Variants in C4orf51 observed in about 807,000 individuals in gnomAD.
C4orf51 encodes uncharacterized protein C4orf51.
C4orf51 carries 25 observed loss-of-function variants against 25.2 expected under a neutral mutation model. The observed-to-expected ratio is 0.99, with a 90% confidence interval of 0.72 to 1.39. The LOEUF (loss-of-function observed/expected upper bound fraction) is 1.39. Among genes scored for constraint, C4orf51 ranks in the 40% most tolerant of loss-of-function variants. C4orf51 has a pLI of 0.00. For synonymous variants in C4orf51, 100 were observed against 84.5 expected (o/e 1.18, Z -1.01); for missense variants, 252 against 239.6 (o/e 1.05, Z -0.34).
chr4:145,760,025 T>G (rs1020280443), intron 1 of C4orf51: 1 of 152,252 alleles, frequency 6.6e-6, no homozygotes, highest in East Asian at 1.9e-4. Flanking sequence ...TGCTGCGAGA[T>G]ATTTCTTCCA....
intron 2 of C4orf51, among the ~76,000 whole-genome samples, chr4:145,724,880 CAAAAAAAA>C (rs1222983724): frequency 1.5e-5 from 1 of 68,322 alleles, no homozygotes; most frequent in Non-Finnish European, 2.8e-5. Context: ...AAGACTGTCT[CAAAAAAAA>C]AAAAAAAAAA....
chr4:145,703,991 C>G (rs1730633441), intron 2 of C4orf51, among the ~76,000 whole-genome samples: 1 of 152,170 alleles, frequency 6.6e-6, no homozygotes, highest in African/African-American at 2.4e-5. Context: ...AATAAAAGCC[C>G]AACTTCCCAA....
At chr4:145,773,964 T>G (rs776293145), downstream of C4orf51, among the ~76,000 whole-genome samples, 3 of 152,132 alleles carry the variant, frequency 2.0e-5, no homozygotes, top group Non-Finnish European at 4.4e-5. Flanking sequence ...GAGCAAGCTC[T>G]GGAATGAAAA....
chr4:145,791,373 C>G, the C4orf51 span, among the ~76,000 whole-genome samples: 5 of 152,272 alleles, frequency 3.3e-5, no homozygotes, highest in South Asian at 1.0e-3. Context: ...CCATCTTCTA[C>G]ATAGCATCAC....
chr4:145,787,464 G>GA, the C4orf51 span, among the ~76,000 whole-genome samples: 5,526 of 83,030 alleles, frequency 0.067, 156 homozygotes, highest in Non-Finnish European at 0.098. Context: ...TCCGTCTCAG[G>GA]AAAAAAAAAA....
Position 145,714,580 on chromosome 4 carries a change from T to C in C4orf51, c.308-12331T>C, listed in dbSNP as rs192938149. 4.2e-3 allele frequency among the ~76,000 whole-genome samples: 644 copies of C among 152,366 alleles called. 3 individuals carry two copies. The highest frequency in any genetic ancestry group is 7.9e-3 in the Non-Finnish European group (538 of 68,032). ...TTTTCTGATTTCATTAAGTTGTCTGTGTTCTCTTCGTGGCTCACTGTGCTT... is the reference window on the plus strand; with the variant it reads ...TTTTCTGATTTCATTAAGTTGTCTGCGTTCTCTTCGTGGCTCACTGTGCTT... On this transcript the variant is annotated intron_variant, in intron 2 of 5. Transcript: ENST00000438731.
chr4:145,779,108 T>A, the C4orf51 span, among the ~76,000 whole-genome samples: 2 of 152,226 alleles, frequency 1.3e-5, no homozygotes, highest in African/African-American at 4.8e-5. Context: ...ACATTTTTTT[T>A]AACAGAGTTT....
rs1040375616 is a variant in C4orf51 at position 145,747,379 on chromosome 4, AGTTTTTTGAG to A, written n.168-6820_168-6811del. ...GTTGAGGAGTATTCCTTCTGTGCCC[AGTTTTTTGAG>A]GTTTTTTTTTTTTATCATGAAGTGG... On this transcript the variant is annotated intron_variant and non_coding_transcript_variant, in intron 1 of 1. Coordinates refer to the C4orf51 transcript ENST00000508981. Among the ~76,000 whole-genome samples, 9 of 133,374 alleles carry A rather than the reference AGTTTTTTGAG, an allele frequency of 6.7e-5. 1 individual carries two copies. The highest frequency in any genetic ancestry group is 3.4e-5 in the Non-Finnish European group (2 of 58,192). 87.5% of individuals were successfully genotyped at this position (133,374 alleles called of 152,430 possible). A position where few individuals can be genotyped will look rare whatever the true frequency, so the allele number is the denominator to read the frequency against.
chr4:145,744,509 A>G (rs1268117127), intron 1 of C4orf51, among the ~76,000 whole-genome samples: 1 of 152,086 alleles, frequency 6.6e-6, no homozygotes, highest in Non-Finnish European at 1.5e-5. Context: ...TACTATGTCT[A>G]TTGTCTGATG....
chr4:145,754,655 C>A (rs1027145574), downstream of C4orf51, among the ~76,000 whole-genome samples: 2 of 152,216 alleles, frequency 1.3e-5, no homozygotes, highest in African/African-American at 2.4e-5. Context: ...AAACTTTAAG[C>A]CGGGCGCAGT....
At chr4:145,714,639 T>G (rs963752039) in intron 2 of C4orf51, among the ~76,000 whole-genome samples, 6 of 152,352 alleles carry the variant, frequency 3.9e-5, no homozygotes, top group South Asian at 2.1e-4. Context: ...TGTCAGGAAA[T>G]TTGTAGAGCT....
At chr4:145,707,182 AC>A (rs1730864541) in intron 2 of C4orf51, among the ~76,000 whole-genome samples, 1 of 151,532 alleles carries the variant, frequency 6.6e-6, no homozygotes, top group African/African-American at 2.4e-5. Flanking sequence ...CTCGTGATCC[AC>A]CCGCCTCGGC....
intron 4 of C4orf51, 62 bp from the exon 5 acceptor site, chr4:145,729,830 T>A: frequency 7.0e-7 from 1 of 1,421,980 alleles, no homozygotes; most frequent in Non-Finnish European, 9.9e-7. Context: ...GTCAGGAAAT[T>A]TCACTTATGG....
At chr4:145,741,051 C>T (rs186661422) in intron 1 of C4orf51, among the ~76,000 whole-genome samples, 32 of 152,258 alleles carry the variant, frequency 2.1e-4, no homozygotes, top group Non-Finnish European at 3.8e-4. Context: ...TCCTCCTCCT[C>T]ACAAAGGTCA....
chr4:145,687,103 G>A (rs1410416924), intron 1 of C4orf51, among the ~76,000 whole-genome samples: 1 of 152,134 alleles, frequency 6.6e-6, no homozygotes, highest in African/African-American at 2.4e-5. Flanking sequence ...GCTGCTTAGG[G>A]CCACCCTGCC....
rs766716031 is a variant in C4orf51 at position 145,680,404 on chromosome 4, T to C, written c.201T>C (p.Phe67=). The C allele has an allele frequency of 5.6e-6, 9 of 1,613,842 alleles. No individual in the cohort carries two copies. Among genetic ancestry groups the C allele is most frequent in the Non-Finnish European group, 7.6e-6 (9 of 1,179,844 alleles). Residue 67 remains phenylalanine (F), a synonymous_variant, in exon 1 of 6, where the codon TTT becomes TTC. Transcript: ENST00000438731. ...LDKSMCSQFS[F]RAGQHEPECK... ...AGTCCATGTGCAGCCAATTTTCTTT[T>C]AGAGCAGGACAGCATGAGCCTGAGT...
the C4orf51 span, among the ~76,000 whole-genome samples, chr4:145,787,044 C>T: frequency 1.3e-5 from 2 of 152,142 alleles, no homozygotes; most frequent in Non-Finnish European, 2.9e-5. Context: ...TACTAGGCTC[C>T]CTATGACCAC....
rs75121735 is a variant in C4orf51 at position 145,765,339 on chromosome 4, C to T, written n.167-5649C>T. Among the ~76,000 whole-genome samples the T allele has an allele frequency of 1.1e-3, 161 of 152,248 alleles. 2 individuals carry two copies. Among genetic ancestry groups the T allele is most frequent in the African/African-American group, 3.6e-3 (148 of 41,542 alleles). On this transcript the variant is annotated intron_variant and non_coding_transcript_variant, in intron 1 of 1. Transcript: ENST00000510096. This position sits in a 1 kb window ranked among gnomAD's most constrained non-coding sequence, Gnocchi z 4.7. The stretch of plus-strand genomic sequence containing the variant: ...TAAAAGGAGTTAAATGTACAAACAT[C>T]GGAATCAATGTCACCCTCCCCATCC...
chr4:145,740,240 CA>C (rs60310006), intron 1 of C4orf51, among the ~76,000 whole-genome samples: 46 of 104,794 alleles, frequency 4.4e-4, no homozygotes, highest in African/African-American at 1.6e-3. Context: ...TCCCTTTCTG[CA>C]AAAAAAAAAA....
Sources: allele counts gnomAD v4.1 joint callset (sites outside exome capture counted in the v4.1 genomes callset), GRCh38; gene constraint gnomAD v4.1.1; non-coding constraint Gnocchi (gnomAD v3.1); transcripts MANE v1.5; gene names NCBI Gene and HGNC (gene_info 2026-07-23, HGNC 2026-07-21).